TBL1XR1: variants seen among roughly 807,000 people sequenced by gnomAD.
TBL1XR1 encodes TBL1X/Y related 1.
Under a neutral mutation model 66.9 loss-of-function variants are expected in TBL1XR1, and 5 were observed. The observed-to-expected ratio is 0.07, with a 90% CI of 0.04 to 0.16. The LOEUF (loss-of-function observed/expected upper bound fraction) is 0.16, where lower values mean the gene tolerates loss of function less well. TBL1XR1 is among the 10% of genes least tolerant of loss of function. The probability of loss-of-function intolerance (pLI) is 1.00; values close to 1 mark genes in which losing one functional copy is unlikely to be tolerated. For missense variants in TBL1XR1, 238 were observed against 623.2 expected, an observed-to-expected ratio of 0.38 and a Z score of 6.58; for synonymous variants, 210 against 206.0, an observed-to-expected ratio of 1.02 and a Z score of -0.17.
intron 1 of TBL1XR1, among the ~76,000 whole-genome samples, chr3:177,193,802 CCG>C (rs202115427): frequency 0.01 from 1,568 of 152,300 alleles, 29 homozygotes; most frequent in African/African-American, 0.036. Context: ...TGGGAAAATT[CCG>C]CAGATTCAGT....
At chr3:177,154,977 C>T (rs570437885) in intron 1 of TBL1XR1, among the ~76,000 whole-genome samples, 2 of 151,962 alleles carry the variant, frequency 1.3e-5, no homozygotes, top group Admixed American at 1.3e-4. Context: ...TACAAAGTTA[C>T]CAAATATTTG....
chr3:177,033,674 C>A (rs1044112436), intron 13 of TBL1XR1, among the ~76,000 whole-genome samples: 1 of 151,908 alleles, frequency 6.6e-6, no homozygotes, highest in East Asian at 1.9e-4. Context: ...CTTAAGGAAC[C>A]GACGTAAGTG....
chr3:177,071,521 G>T (rs55936377), intron 2 of TBL1XR1, among the ~76,000 whole-genome samples: 448 of 152,208 alleles, frequency 2.9e-3, no homozygotes, highest in African/African-American at 0.01. Context: ...CTCTGGAAGG[G>T]CTAGAGTAAA....
chr3:177,172,501 T>TA (rs1236170499), intron 1 of TBL1XR1, among the ~76,000 whole-genome samples: 1 of 151,910 alleles, frequency 6.6e-6, no homozygotes, highest in African/African-American at 2.4e-5. Context: ...CTCATGCCTC[T>TA]AATCCCAGCA....
chr3:177,066,191 G>A (rs1719143650), intron 2 of TBL1XR1, among the ~76,000 whole-genome samples: 1 of 152,126 alleles, frequency 6.6e-6, no homozygotes, highest in African/African-American at 2.4e-5. Flanking sequence ...AAGCATTTGA[G>A]TAGGCTACCA....
At chr3:177,128,112 G>C (rs371936192) in intron 1 of TBL1XR1, among the ~76,000 whole-genome samples, 7 of 151,898 alleles carry the variant, frequency 4.6e-5, no homozygotes, top group African/African-American at 7.3e-5. Context: ...CTGGCTACTC[G>C]GGAGGCTGAG....
In TBL1XR1 at chr3:177,186,146, G is replaced by GT. The variant is rs893744710; in HGVS notation, c.-122+10974dup. 7.2e-5 allele frequency among the ~76,000 whole-genome samples: 11 copies of GT among 152,206 alleles called. No homozygotes were observed. The South Asian group carries it at 1.4e-3, about 20-fold the overall frequency. On this transcript the variant is annotated intron_variant, in intron 1 of 15. Transcript: ENST00000457928. ...GATGTATTCCCATGATACACCTGGG[G>GT]TTTTTTTGCACAAGAACACAATACA... is the stretch of plus-strand genomic sequence containing the variant.
chr3:177,065,128 G>C, intron 2 of TBL1XR1, 106 bp from the exon 3 acceptor site: 4 of 672,512 alleles, frequency 5.9e-6, no homozygotes, highest in East Asian at 3.4e-5. Flanking sequence ...GTAAAACGAA[G>C]GTTCTACATT....
At chr3:177,076,077 G>A (rs1344653340) in intron 2 of TBL1XR1, among the ~76,000 whole-genome samples, 1 of 152,222 alleles carries the variant, frequency 6.6e-6, no homozygotes, top group Non-Finnish European at 1.5e-5. Context: ...ACAGTGCCTA[G>A]TGAAGGCTCT....
chr3:177,059,291 A>C (rs528873954), intron 3 of TBL1XR1, among the ~76,000 whole-genome samples: 1 of 152,336 alleles, frequency 6.6e-6, no homozygotes, highest in African/African-American at 2.4e-5. Flanking sequence ...ATCTGAGTCA[A>C]CAAAGAAACT....
intron 1 of TBL1XR1, among the ~76,000 whole-genome samples, chr3:177,156,638 C>T (rs920049210): frequency 3.3e-5 from 5 of 151,096 alleles, no homozygotes; most frequent in Admixed American, 3.3e-4. Context: ...AAGAATGCCA[C>T]AACAATTACA....
chr3:177,039,561 G>C (rs146832727), intron 10 of TBL1XR1, among the ~76,000 whole-genome samples: 10 of 152,168 alleles, frequency 6.6e-5, no homozygotes, highest in Non-Finnish European at 1.3e-4. Context: ...AAAGCAGGCT[G>C]GCATTTAATA....
intron 1 of TBL1XR1, among the ~76,000 whole-genome samples, chr3:177,156,165 CAAAAAAAAAAA>C (rs60079156): frequency 2.0e-5 from 1 of 50,000 alleles, no homozygotes; most frequent in Non-Finnish European, 3.5e-5. Flanking sequence ...TCTACTCTAC[CAAAAAAAAAAA>C]AAAAAAAAAA....
chr3:177,057,906 G>C (rs1285406265), intron 3 of TBL1XR1, among the ~76,000 whole-genome samples: 1 of 152,158 alleles, frequency 6.6e-6, no homozygotes, highest in South Asian at 2.1e-4. Context: ...AGCAACGACA[G>C]CTGGCAGGGA....
intron 10 of TBL1XR1, chr3:177,044,908 A>G (rs1278872356): frequency 6.6e-6 from 1 of 152,136 alleles, no homozygotes; most frequent in Non-Finnish European, 1.5e-5. Context: ...ATGTACGAGA[A>G]ATTAGTATGA....
chr3:177,108,595 G>T (rs62296571), intron 1 of TBL1XR1, among the ~76,000 whole-genome samples: 1 of 152,092 alleles, frequency 6.6e-6, no homozygotes, highest in Non-Finnish European at 1.5e-5. Flanking sequence ...TTTTCGCACA[G>T]AAGTAATACT....
chr3:177,113,524 A>C (rs1453078565), intron 1 of TBL1XR1, among the ~76,000 whole-genome samples: 1 of 152,134 alleles, frequency 6.6e-6, no homozygotes, highest in African/African-American at 2.4e-5. Flanking sequence ...AAATCAAATA[A>C]CCTAATATTT....
intron 1 of TBL1XR1, among the ~76,000 whole-genome samples, chr3:177,152,778 T>G (rs1163772451): frequency 6.6e-6 from 1 of 152,204 alleles, no homozygotes; most frequent in Non-Finnish European, 1.5e-5. Context: ...TATCCCTAAT[T>G]ACCTTATTAT....
intron 1 of TBL1XR1, among the ~76,000 whole-genome samples, chr3:177,122,353 G>A (rs1026259691): frequency 1.4e-4 from 21 of 150,824 alleles, no homozygotes; most frequent in Non-Finnish European, 1.9e-4. Flanking sequence ...AGAATGTCAC[G>A]CCTGATTGGG....
Sources: gnomAD v4.1 joint callset for allele counts (sites outside exome capture counted in the v4.1 genomes callset) on GRCh38, gnomAD v4.1.1 for gene constraint, MANE v1.5 for transcripts, NCBI Gene and HGNC (gene_info 2026-07-23, HGNC 2026-07-21) for gene names.